Variants in INSYN2B observed in about 807,000 individuals in gnomAD.
The protein encoded by INSYN2B is inhibitory synaptic factor family member 2B, also known as protein INSYN2B.
In INSYN2B, 16 loss-of-function variants were observed where a neutral mutation model predicts 41.2. That is an observed-to-expected ratio of 0.39 (90% CI 0.26 to 0.59). The LOEUF is 0.59. Ranked by LOEUF, INSYN2B falls within the 20% of genes least tolerant of loss-of-function variation. The probability of loss-of-function intolerance (pLI) is 0.57; values close to 1 mark genes in which losing one functional copy is unlikely to be tolerated. For synonymous variants in INSYN2B, 245 were observed against 244.4 expected, an observed-to-expected ratio of 1.00 and a Z score of -0.02; for missense variants, 608 against 646.4, an observed-to-expected ratio of 0.94 and a Z score of 0.64.
chr5:169,861,785 TA>T lies in INSYN2B; in HGVS notation c.*2487del, dbSNP rs1404729304. Among the ~76,000 whole-genome samples the T allele has an allele frequency of 3.9e-5, 6 of 152,204 alleles. No homozygotes were observed. On this transcript the variant is annotated 3_prime_UTR_variant, in exon 4 of 4. Transcript: ENST00000377365. ...CCTATTTCCTCATAATGATTTTAAA[TA>T]TCAATTTTTCAGAAGAGAACTCCTT...
In INSYN2B at chr5:169,883,734, G is replaced by A. The variant is rs748170159; in HGVS notation, c.165C>T (p.Asp55=). Residue 55 remains aspartate, a synonymous_variant, in exon 2 of 4, where the codon GAC becomes GAT. Transcript: ENST00000377365. The part of the protein sequence containing the change: ...TKNPTGLAEV[D]VQTPEDPAVM... ...CAGCCGGGTCTTCTGGAGTTTGGAC[G>A]TCAACCTCAGCTAGGCCAGTTGGAT... 2.6e-5 allele frequency: 40 copies of A among 1,551,478 alleles called. No individual in the cohort carries two copies. Among genetic ancestry groups the A allele is most frequent in the East Asian group, 7.3e-5 (3 of 40,932 alleles).
chr5:169,950,337 T>C (rs986353654), intron 1 of INSYN2B, among the ~76,000 whole-genome samples: 3 of 152,230 alleles, frequency 2.0e-5, no homozygotes, highest in African/African-American at 7.2e-5. Flanking sequence ...AGCATTGATA[T>C]ATGCAAAGCG....
At chr5:169,914,127 A>T (rs1042636536) in intron 1 of INSYN2B, among the ~76,000 whole-genome samples, 1 of 152,200 alleles carries the variant, frequency 6.6e-6, no homozygotes, top group Non-Finnish European at 1.5e-5. Context: ...TATAGATATT[A>T]TACATCCTGA....
At chr5:169,969,120 C>A (rs553955086) in intron 1 of INSYN2B, among the ~76,000 whole-genome samples, 7 of 151,544 alleles carry the variant, frequency 4.6e-5, no homozygotes, top group African/African-American at 1.5e-4. Context: ...ACTGCACTCA[C>A]CCTGGGTATC....
At position 169,958,290 on chromosome 5, in the gene INSYN2B, G is replaced by A. The variant is rs774346847; in HGVS notation, c.-919+21987C>T. Among the ~76,000 whole-genome samples the A allele has an allele frequency of 4.2e-4, 64 of 152,208 alleles. No homozygotes were observed. The Middle Eastern group carries it at 0.01, about 24-fold the overall frequency. ...GCACTGTTATTAATAAGAAGCTTAT[G>A]AATCTATTAGATATGGTCTTTGCCT... On this transcript the variant is annotated intron_variant, in intron 1 of 3. Transcript: ENST00000377365.
intron 1 of INSYN2B, among the ~76,000 whole-genome samples, chr5:169,944,463 AG>A (rs1219056173): frequency 6.6e-6 from 1 of 152,212 alleles, no homozygotes. Context: ...ATGCTGAAGG[AG>A]GCAGGAGATT....
chr5:169,947,273 A>T (rs984539769), intron 1 of INSYN2B, among the ~76,000 whole-genome samples: 1 of 152,226 alleles, frequency 6.6e-6, no homozygotes, highest in African/African-American at 2.4e-5. Context: ...TGTATTAACA[A>T]AATGTTCCAA....
intron 1 of INSYN2B, among the ~76,000 whole-genome samples, chr5:169,959,777 G>A (rs1008558676): frequency 2.0e-5 from 3 of 152,166 alleles, no homozygotes; most frequent in Non-Finnish European, 2.9e-5. Flanking sequence ...CGTAGATCTA[G>A]AGAGATCTAG....
At chr5:169,916,265 G>A (rs574206463) in intron 1 of INSYN2B, among the ~76,000 whole-genome samples, 73 of 152,266 alleles carry the variant, frequency 4.8e-4, no homozygotes, top group African/African-American at 1.7e-3. Flanking sequence ...ATAATTCTAG[G>A]TGTGTTTGTC....
intron 1 of INSYN2B, among the ~76,000 whole-genome samples, chr5:169,944,333 G>C (rs111523050): frequency 7.9e-5 from 12 of 152,338 alleles, no homozygotes; most frequent in African/African-American, 2.9e-4. Context: ...AAAGCTGGCA[G>C]GTCCTTCAAG....
At chr5:169,973,655 A>T (rs1463483139) in intron 1 of INSYN2B, among the ~76,000 whole-genome samples, 1 of 152,196 alleles carries the variant, frequency 6.6e-6, no homozygotes, top group Non-Finnish European at 1.5e-5. Context: ...GAGAAACTAG[A>T]TATATTTCCC....
At chr5:169,901,368 G>A (rs530550145) in intron 1 of INSYN2B, among the ~76,000 whole-genome samples, 1 of 152,280 alleles carries the variant, frequency 6.6e-6, no homozygotes, top group East Asian at 1.9e-4. Context: ...GCCACATTAA[G>A]TCTTTTGGTT....
intron 3 of INSYN2B, 61 bp from the exon 4 acceptor site, chr5:169,864,520 A>G (rs1771413640): frequency 2.3e-6 from 3 of 1,276,658 alleles, no homozygotes; most frequent in Non-Finnish European, 3.2e-6. Context: ...CTGATTAAGC[A>G]TCTCTCAGCC....
chr5:169,934,681 T>C (rs259899), intron 1 of INSYN2B: 3 of 456,100 alleles, frequency 6.6e-6, no homozygotes, highest in Admixed American at 4.7e-5. Flanking sequence ...CTGAACCGAT[T>C]GGGTGCTACG....
chr5:169,867,577 ATC>A (rs1449432020), intron 3 of INSYN2B, among the ~76,000 whole-genome samples: 3 of 151,982 alleles, frequency 2.0e-5, no homozygotes, highest in East Asian at 1.9e-4. Context: ...TCTATCATCT[ATC>A]TGTCATCTAT....
chr5:169,929,289 T>A (rs1009386930), intron 1 of INSYN2B, among the ~76,000 whole-genome samples: 11 of 152,238 alleles, frequency 7.2e-5, no homozygotes, highest in Admixed American at 1.3e-4. Context: ...TTCTCTTTCC[T>A]TTCCCCATTG....
intron 1 of INSYN2B, among the ~76,000 whole-genome samples, chr5:169,931,672 A>G (rs1414864540): frequency 2.0e-5 from 3 of 152,036 alleles, no homozygotes; most frequent in Non-Finnish European, 4.4e-5. Context: ...GCTGTGTGAG[A>G]TGGTGGTGAG....
intron 1 of INSYN2B, among the ~76,000 whole-genome samples, chr5:169,922,222 C>A (rs1283482936): frequency 6.6e-6 from 1 of 152,050 alleles, no homozygotes; most frequent in Non-Finnish European, 1.5e-5. Context: ...GTGCACATTG[C>A]CTAAAGGTAT....
intron 1 of INSYN2B, among the ~76,000 whole-genome samples, chr5:169,929,359 G>T (rs371775752): frequency 6.6e-6 from 1 of 152,048 alleles, no homozygotes; most frequent in African/African-American, 2.4e-5. Flanking sequence ...CTTTTTACAC[G>T]TAGATTTTCC....
Sources: gnomAD v4.1 joint callset for allele counts (sites outside exome capture counted in the v4.1 genomes callset) on GRCh38, gnomAD v4.1.1 for gene constraint, MANE v1.5 for transcripts, NCBI Gene and HGNC (gene_info 2026-07-23, HGNC 2026-07-21) for gene names.